PTK7: variants seen among roughly 807,000 people sequenced by gnomAD.
PTK7 encodes protein tyrosine kinase 7 (inactive).
PTK7 carries 39 observed loss-of-function variants against 116.6 expected under a neutral mutation model. That is an observed-to-expected ratio of 0.33 (90% CI 0.26 to 0.44). The LOEUF (loss-of-function observed/expected upper bound fraction) is 0.44. Ranked by LOEUF, PTK7 falls within the 20% of genes least tolerant of loss-of-function variation. The pLI is 1.00. For synonymous variants in PTK7, 546 were observed against 563.6 expected (o/e 0.97, Z 0.44); for missense variants, 1,169 against 1,425.6 (o/e 0.82, Z 2.90).
intron 1 of PTK7, among the ~76,000 whole-genome samples, chr6:43,090,656 C>A (rs1172074720): frequency 6.6e-6 from 1 of 152,188 alleles, no homozygotes; most frequent in African/African-American, 2.4e-5. Context: ...GAAGTATCTC[C>A]TTCTGGCAGA....
chr6:43,160,005 C>A, intron 19 of PTK7, 39 bp downstream of exon 19: 1 of 1,588,768 alleles, frequency 6.3e-7, no homozygotes. Flanking sequence ...TCCAGATGGG[C>A]CCCAGATGGG....
intron 1 of PTK7, among the ~76,000 whole-genome samples, chr6:43,106,012 T>A (rs1009533991): frequency 2.0e-5 from 3 of 152,190 alleles, no homozygotes; most frequent in Non-Finnish European, 4.4e-5. Context: ...ATTCTCTCCA[T>A]GACAAAGAGC....
intron 1 of PTK7, among the ~76,000 whole-genome samples, chr6:43,107,338 T>C (rs886690732): frequency 1.5e-4 from 23 of 152,214 alleles, no homozygotes; most frequent in African/African-American, 5.5e-4. Context: ...TGATAGACTT[T>C]CCTCAGGCCA....
intron 1 of PTK7, among the ~76,000 whole-genome samples, chr6:43,120,450 AGGCTGCACGG>A (rs1281522837): frequency 1.3e-5 from 2 of 152,202 alleles, no homozygotes; most frequent in African/African-American, 4.8e-5. Context: ...TCTCCCGGGG[AGGCTGCACGG>A]GGCTGCGCCG....
chr6:43,084,633 G>A (rs746345065), intron 1 of PTK7, among the ~76,000 whole-genome samples: 12 of 152,374 alleles, frequency 7.9e-5, no homozygotes, highest in Non-Finnish European at 1.3e-4. Flanking sequence ...TATGGGTGAA[G>A]CTGTCTGAGG....
chr6:43,157,364 A>ATATATATTTTTTTTT (rs70990168), intron 17 of PTK7, among the ~76,000 whole-genome samples: 5 of 54,362 alleles, frequency 9.2e-5, no homozygotes, highest in Non-Finnish European at 1.3e-4. Flanking sequence ...ATATATATAT[A>ATATATATTTTTTTTT]TTTTTTTTTT....
In PTK7 at chr6:43,141,078, CAA is replaced by C. The variant is rs1378001577; in HGVS notation, c.1619-588_1619-587del. Among the ~76,000 whole-genome samples, 2 of 151,954 alleles carry C rather than the reference CAA, an allele frequency of 1.3e-5. No individual in the cohort carries two copies. Among genetic ancestry groups the C allele is most frequent in the African/African-American group, 4.8e-5 (2 of 41,358 alleles). On this transcript the variant is annotated intron_variant, in intron 10 of 19. Coordinates refer to ENST00000230419, the MANE Select transcript of PTK7 (RefSeq NM_002821.5). This position sits in a 1 kb window ranked among gnomAD's most constrained non-coding sequence, Gnocchi z 4.9. Reference sequence around the variant, plus strand: ...ATTGCTGCAATAAACATCTTTAAGCCAAAGTTTTTTTCTGGATTTAGGTTTAT... The same window carrying C: ...ATTGCTGCAATAAACATCTTTAAGCCAGTTTTTTTCTGGATTTAGGTTTAT...
intron 1 of PTK7, among the ~76,000 whole-genome samples, chr6:43,117,236 A>G (rs1034786226): frequency 1.1e-4 from 16 of 152,220 alleles, no homozygotes; most frequent in African/African-American, 3.9e-4. Flanking sequence ...GAAGAGCAGG[A>G]TGTAGGAGAA....
chr6:43,110,143 C>T (rs898901149), intron 1 of PTK7, among the ~76,000 whole-genome samples: 6 of 150,514 alleles, frequency 4.0e-5, no homozygotes, highest in African/African-American at 9.8e-5. Context: ...ATTACAGGCG[C>T]GCAACACCAT....
At chr6:43,096,478 A>T (rs1767261894) in intron 1 of PTK7, among the ~76,000 whole-genome samples, 1 of 152,082 alleles carries the variant, frequency 6.6e-6, no homozygotes, top group South Asian at 2.1e-4. Flanking sequence ...TGGTGACCGG[A>T]CAAGCCTTTG....
chr6:43,079,850 G>A (rs991295370), intron 1 of PTK7, among the ~76,000 whole-genome samples: 1 of 150,212 alleles, frequency 6.7e-6, no homozygotes, highest in African/African-American at 2.5e-5. Context: ...CTTGAGCCCA[G>A]GGGCTCAAGA....
intron 17 of PTK7, among the ~76,000 whole-genome samples, chr6:43,156,044 T>A (rs1166196852): frequency 6.6e-6 from 1 of 150,998 alleles, no homozygotes; most frequent in Non-Finnish European, 1.5e-5. Flanking sequence ...GCCTGACCAA[T>A]GTGGTGAAAC....
At chr6:43,114,898 G>A (rs1768415505) in intron 1 of PTK7, among the ~76,000 whole-genome samples, 1 of 151,920 alleles carries the variant, frequency 6.6e-6, no homozygotes, top group African/African-American at 2.4e-5. Flanking sequence ...AAAAATTAGC[G>A]GGGCATGGTG....
intron 1 of PTK7, among the ~76,000 whole-genome samples, chr6:43,084,578 T>TG (rs891130730): frequency 3.0e-4 from 45 of 152,202 alleles, no homozygotes; most frequent in African/African-American, 1.1e-3. Flanking sequence ...ATATTAATAG[T>TG]GGGGGGCTTA....
At chr6:43,158,654 GTTA>G (rs1327022315) in intron 17 of PTK7, among the ~76,000 whole-genome samples, 160 bp from the exon 18 acceptor site, 1 of 152,192 alleles carries the variant, frequency 6.6e-6, no homozygotes, top group East Asian at 1.9e-4. Context: ...GGCAGGTACT[GTTA>G]TTATCCCCAT....
chr6:43,094,525 C>A (rs1767131543), intron 1 of PTK7, among the ~76,000 whole-genome samples: 1 of 150,686 alleles, frequency 6.6e-6, no homozygotes, highest in Non-Finnish European at 1.5e-5. Context: ...AGTGCAGTGG[C>A]ACGATCTCGG....
At chr6:43,132,969 A>T in intron 7 of PTK7, 1 of 574,468 alleles carries the variant, frequency 1.7e-6, no homozygotes, top group Non-Finnish European at 3.1e-6. Context: ...CCTGGGTCCC[A>T]CTATGCTCCC....
chr6:43,135,106 G>A (rs970581489), intron 7 of PTK7, among the ~76,000 whole-genome samples: 11 of 152,182 alleles, frequency 7.2e-5, no homozygotes, highest in African/African-American at 2.7e-4. Flanking sequence ...GTGTGTTCAA[G>A]TTGGGGAACT....
At chr6:43,135,027 C>G (rs1257476772) in intron 7 of PTK7, among the ~76,000 whole-genome samples, 1 of 152,108 alleles carries the variant, frequency 6.6e-6, no homozygotes, top group African/African-American at 2.4e-5. Flanking sequence ...TCCACAGCTT[C>G]CAACCCAGGC....
Sources: allele counts gnomAD v4.1 joint callset (sites outside exome capture counted in the v4.1 genomes callset), GRCh38; gene constraint gnomAD v4.1.1; non-coding constraint Gnocchi (gnomAD v3.1); transcripts MANE v1.5; gene names NCBI Gene and HGNC (gene_info 2026-07-23, HGNC 2026-07-21).